The following DPP3 variants were observed in gnomAD, a reference collection of about 807,000 sequenced individuals.
DPP3 encodes DPP III.
A neutral mutation model predicts 89.8 loss-of-function variants in DPP3; 64 were observed. The ratio of observed to expected loss-of-function variants is 0.71; its 90% CI spans 0.58 to 0.88. DPP3 has a LOEUF of 0.88. DPP3 is among the 40% of genes least tolerant of loss of function. The probability of loss-of-function intolerance (pLI) is 0.00; values close to 1 mark genes in which losing one functional copy is unlikely to be tolerated. For missense variants in DPP3, 835 were observed against 972.5 expected, an observed-to-expected ratio of 0.86 and a Z score of 1.88; for synonymous variants, 377 against 404.3, an observed-to-expected ratio of 0.93 and a Z score of 0.81.
chr11:66,495,607 C>T (rs1855513366), intron 14 of DPP3, 23 bp from the exon 15 acceptor site: 1 of 1,613,934 alleles, frequency 6.2e-7, no homozygotes, highest in African/African-American at 1.3e-5. Context: ...GACCATCCTG[C>T]CACCTGCCTG....
chr11:66,492,450 C>G, intron 9 of DPP3: 3 of 434,848 alleles, frequency 6.9e-6, no homozygotes, highest in Admixed American at 8.1e-5. Context: ...GAGCACACAC[C>G]TGTTGGGGCT....
Position 66,492,762 on chromosome 11 carries a change from G to T in DPP3, c.1035G>T (p.Arg345=). ...VNKAMSAKFE[R]LVASAEQLLK... ...AGGCCATGAGTGCCAAGTTTGAGCGGCTGGTGGCGAGCGCAGAGCAGCTGC... is the reference window on the plus strand; with the variant it reads ...AGGCCATGAGTGCCAAGTTTGAGCGTCTGGTGGCGAGCGCAGAGCAGCTGC... Residue 345 remains arginine (R), a synonymous_variant, in exon 10 of 18, where the codon CGG becomes CGT. Transcript: ENST00000531863. 1 of 1,612,652 alleles carries T rather than the reference G, an allele frequency of 6.2e-7. No homozygotes were observed. Among genetic ancestry groups the T allele is most frequent in the Non-Finnish European group, 8.5e-7 (1 of 1,179,388 alleles).
chr11:66,480,702 G>A, intron 1 of DPP3: 1 of 426,430 alleles, frequency 2.3e-6, no homozygotes, highest in Non-Finnish European at 4.1e-6. Context: ...GGGCGAGGAG[G>A]CTGGACACTC....
At chr11:66,490,771 T>G (rs1374351841) in intron 6 of DPP3, among the ~76,000 whole-genome samples, 1 of 140,882 alleles carries the variant, frequency 7.1e-6, no homozygotes, top group African/African-American at 2.6e-5. Flanking sequence ...TTTTTTGTTT[T>G]GTTTTTTTTT....
chr11:66,497,260 T>TA (rs780040571), intron 15 of DPP3, 38 bp from the exon 16 acceptor site: 3 of 1,598,128 alleles, frequency 1.9e-6, no homozygotes, highest in Non-Finnish European at 2.6e-6. Context: ...AAGCACTTGA[T>TA]ACGGGCTACA....
intron 2 of DPP3, among the ~76,000 whole-genome samples, chr11:66,484,959 G>A (rs1252651509): frequency 6.6e-6 from 1 of 152,164 alleles, no homozygotes; most frequent in Non-Finnish European, 1.5e-5. Context: ...GAACTGCCCA[G>A]AAGATCAGTT....
At chr11:66,505,936 G>A (rs769134391) in intron 17 of DPP3, among the ~76,000 whole-genome samples, 1 of 151,740 alleles carries the variant, frequency 6.6e-6, no homozygotes, top group African/African-American at 2.4e-5. Flanking sequence ...TTTTGGGTTG[G>A]TTTTGTTTTT....
At chr11:66,487,791 A>T in intron 5 of DPP3, 123 bp from the exon 6 acceptor site, 1 of 834,120 alleles carries the variant, frequency 1.2e-6, no homozygotes, top group Non-Finnish European at 1.9e-6. Context: ...CTCCCAGCCA[A>T]CCCAGAAGGC....
chr11:66,486,447 G>GATC, intron 3 of DPP3, 93 bp from the exon 4 acceptor site: 1 of 1,370,166 alleles, frequency 7.3e-7, no homozygotes, highest in Non-Finnish European at 9.5e-7. Flanking sequence ...AGAGCTCTTA[G>GATC]ATCATAGGAG....
chr11:66,497,642 G>A (rs1855573679), intron 16 of DPP3, among the ~76,000 whole-genome samples, 165 bp downstream of exon 16: 1 of 152,234 alleles, frequency 6.6e-6, no homozygotes, highest in African/African-American at 2.4e-5. Flanking sequence ...TGTGATCCCA[G>A]CACTGTGGGA....
intron 16 of DPP3, among the ~76,000 whole-genome samples, chr11:66,503,700 A>G (rs1855732965): frequency 6.6e-6 from 1 of 152,198 alleles, no homozygotes; most frequent in Non-Finnish European, 1.5e-5. Flanking sequence ...ATCTTGGCTA[A>G]CATGGTGAAA....
At position 66,491,695 on chromosome 11, in the gene DPP3, C is replaced by A; in HGVS notation, c.930-3C>A. The A allele has an allele frequency of 6.2e-7, 1 of 1,613,716 alleles. No homozygotes were observed. The highest frequency in any genetic ancestry group is 1.1e-5 in the South Asian group (1 of 91,046). On this transcript the variant is annotated splice_region_variant and splice_polypyrimidine_tract_variant and intron_variant, in intron 8 of 17. Coordinates refer to ENST00000531863, the MANE Select transcript of DPP3 (RefSeq NM_130443.4). ...CCTCCACCTCTGCCCTTCTCTCCCC[C>A]AGTTACATCGGGTTCATCGAGAGCT...
At chr11:66,483,914 T>C (rs1036446779) in intron 2 of DPP3, among the ~76,000 whole-genome samples, 1 of 152,192 alleles carries the variant, frequency 6.6e-6, no homozygotes, top group Non-Finnish European at 1.5e-5. Context: ...TTAAAAGAGC[T>C]AATATCCGTG....
At chr11:66,481,634 G>A (rs889500984) in intron 1 of DPP3, among the ~76,000 whole-genome samples, 4 of 152,012 alleles carry the variant, frequency 2.6e-5, no homozygotes, top group Non-Finnish European at 5.9e-5. Flanking sequence ...TGTAATACTA[G>A]GTAGTTAGAG....
chr11:66,504,902 T>C (rs1855764519), intron 17 of DPP3, 128 bp downstream of exon 17: 2 of 1,024,852 alleles, frequency 2.0e-6, no homozygotes, highest in Admixed American at 6.7e-5. Flanking sequence ...CCCTTCCCTT[T>C]CTGCCAAGGT....
chr11:66,507,538 T>C (rs918870971), intron 17 of DPP3, among the ~76,000 whole-genome samples: 1 of 151,792 alleles, frequency 6.6e-6, no homozygotes, highest in Non-Finnish European at 1.5e-5. Flanking sequence ...CCAAAACATA[T>C]AAACAGAACT....
In DPP3 at chr11:66,485,263, G is replaced by A; in HGVS notation, c.360+1G>A. ...CAAGTTTGTTCCCAACTTGCCCAAG[G>A]TGAGCCAAGGGAGGGTTGGGGAAGG... is the stretch of plus-strand genomic sequence containing the variant. On this transcript the variant is annotated splice_donor_variant, in intron 3 of 17. Transcript: ENST00000531863. LOFTEE classifies it high-confidence loss of function. 1 of 1,613,872 alleles carries A rather than the reference G, an allele frequency of 6.2e-7. No homozygotes were observed. Among genetic ancestry groups the A allele is most frequent in the Non-Finnish European group, 8.5e-7 (1 of 1,179,886 alleles).
At chr11:66,498,747 C>T (rs750194727) in intron 16 of DPP3, among the ~76,000 whole-genome samples, 7 of 152,172 alleles carry the variant, frequency 4.6e-5, no homozygotes, top group Non-Finnish European at 1.0e-4. Context: ...GTTTCCCTGG[C>T]GTGATGGCTC....
In DPP3 at chr11:66,482,259, G is replaced by T; in HGVS notation, c.59G>T (p.Arg20Leu). The T allele has an allele frequency of 6.2e-7, 1 of 1,614,176 alleles. No homozygotes were observed. Among genetic ancestry groups the T allele is most frequent in the Non-Finnish European group, 8.5e-7 (1 of 1,180,044 alleles). ...NDIGVSSLDC[R>L]EAFRLLSPTE... is the part of the protein sequence containing the mutation. Reference sequence around the variant, plus strand: ...ATCGGCGTGTCTAGCCTGGACTGCCGTGAGGCCTTCCGCCTGCTGTCACCC... The same window carrying T: ...ATCGGCGTGTCTAGCCTGGACTGCCTTGAGGCCTTCCGCCTGCTGTCACCC... The change falls in exon 2 of 18, where the codon CGT (arginine) becomes CTT (leucine). Residue 20 changes from arginine (R) to leucine (L), a missense_variant. Physicochemically the swap from Arg to Leu is moderately radical, Grantham distance 102. Transcript: ENST00000531863.
Sources: allele counts gnomAD v4.1 joint callset (sites outside exome capture counted in the v4.1 genomes callset), GRCh38; gene constraint gnomAD v4.1.1; transcripts MANE v1.5; gene names NCBI Gene and HGNC (gene_info 2026-07-23, HGNC 2026-07-21).